Variants in ZNF385D observed in about 807,000 individuals in gnomAD.
ZNF385D encodes the protein zinc finger protein 659.
In ZNF385D, 15 loss-of-function variants were observed where a neutral mutation model predicts 35.8. That is an observed-to-expected ratio of 0.42 (90% confidence interval 0.28 to 0.64). The LOEUF (loss-of-function observed/expected upper bound fraction) is 0.64, where lower values mean the gene tolerates loss of function less well. Ranked by LOEUF, ZNF385D falls within the 30% of genes least tolerant of loss-of-function variation. ZNF385D has a pLI of 0.23. For missense variants in ZNF385D, 474 were observed against 494.6 expected, an observed-to-expected ratio of 0.96 and a Z score of 0.39; for synonymous variants, 212 against 186.8, an observed-to-expected ratio of 1.13 and a Z score of -1.10.
At chr3:21,422,870 C>A (rs1007419696) in intron 7 of ZNF385D, among the ~76,000 whole-genome samples, 1 of 152,116 alleles carries the variant, frequency 6.6e-6, no homozygotes, top group East Asian at 1.9e-4. Context: ...GACAAACCCA[C>A]AACCAACATC....
chr3:21,830,302 CT>C (rs753899828), intron 3 of ZNF385D, among the ~76,000 whole-genome samples: 4 of 152,112 alleles, frequency 2.6e-5, no homozygotes, highest in Non-Finnish European at 5.9e-5. Flanking sequence ...TAAGCAGTTT[CT>C]TTGACTGATA....
chr3:21,522,820 A>T (rs994269938), intron 3 of ZNF385D, among the ~76,000 whole-genome samples: 17 of 151,752 alleles, frequency 1.1e-4, no homozygotes, highest in South Asian at 2.1e-4. Context: ...AAGAAAAAAA[A>T]TTTTTTGTTT....
intron 3 of ZNF385D, among the ~76,000 whole-genome samples, chr3:22,159,637 T>C (rs1043157779): frequency 2.6e-5 from 4 of 152,080 alleles, no homozygotes; most frequent in Non-Finnish European, 2.9e-5. Context: ...GTTTTCTTTT[T>C]AGGGTGAAAA....
chr3:22,257,571 C>T (rs1048763006), intron 2 of ZNF385D, among the ~76,000 whole-genome samples: 2 of 151,720 alleles, frequency 1.3e-5, no homozygotes, highest in African/African-American at 4.8e-5. Flanking sequence ...CTATTTCAAT[C>T]TATATATTTT....
Position 21,468,819 on chromosome 3 carries a change from C to G in ZNF385D, c.440-31616G>C, listed in dbSNP as rs538748064. 1.2e-3 allele frequency among the ~76,000 whole-genome samples: 176 copies of G among 152,122 alleles called. 1 individual carries two copies. The highest frequency in any genetic ancestry group is 2.9e-3 in the African/African-American group (122 of 41,516). On this transcript the variant is annotated intron_variant, in intron 4 of 7. Transcript: ENST00000281523. ...CGCCCATAGTCTGTAGTCCCAGCTA[C>G]TCGGGAGACTGAGGCAGGGTAATCG... is the stretch of plus-strand genomic sequence containing the variant.
chr3:21,479,964 A>G (rs1479701353), intron 4 of ZNF385D, among the ~76,000 whole-genome samples: 1 of 152,196 alleles, frequency 6.6e-6, no homozygotes, highest in Non-Finnish European at 1.5e-5. Flanking sequence ...ATCTACAGCC[A>G]TCAGAGATTA....
chr3:22,001,752 AT>A (rs1473066680), intron 3 of ZNF385D, among the ~76,000 whole-genome samples: 1 of 151,750 alleles, frequency 6.6e-6, no homozygotes, highest in Non-Finnish European at 1.5e-5. Flanking sequence ...TTAAAAAAAA[AT>A]CTAAATCCTA....
At chr3:22,232,139 C>G (rs951805057) in intron 2 of ZNF385D, among the ~76,000 whole-genome samples, 3 of 152,036 alleles carry the variant, frequency 2.0e-5, no homozygotes, top group African/African-American at 7.2e-5. Flanking sequence ...TCTGGCATGC[C>G]AAATCCCTCA....
chr3:22,071,966 C>CCTT (rs1559347057), intron 3 of ZNF385D, among the ~76,000 whole-genome samples: 5 of 151,974 alleles, frequency 3.3e-5, no homozygotes, highest in Non-Finnish European at 7.4e-5. Flanking sequence ...ACCAAGAAAC[C>CCTT]TGAAGTAAAC....
chr3:21,429,253 AAATATT>A (rs1701181230), intron 5 of ZNF385D, among the ~76,000 whole-genome samples: 3 of 152,162 alleles, frequency 2.0e-5, no homozygotes, highest in Admixed American at 2.0e-4. Flanking sequence ...AGGTATATAA[AAATATT>A]AATAATAGTT....
In ZNF385D at chr3:22,287,428, A is replaced by G. The variant is rs943241890; in HGVS notation, c.106+85022T>C. Among the ~76,000 whole-genome samples the G allele has an allele frequency of 2.0e-5, 3 of 151,994 alleles. 1 individual carries two copies. In the South Asian group the frequency reaches 6.2e-4, roughly 32 times the overall value. ...TTGTTAATTTTTCTACTTGTTTGAC[A>G]TATCTTTGGTTCCTTTCTTCCTCTC... On this transcript the variant is annotated intron_variant, in intron 2 of 5. Transcript: ENST00000494108.
At chr3:22,034,341 C>T (rs904760516) in intron 3 of ZNF385D, among the ~76,000 whole-genome samples, 7 of 152,162 alleles carry the variant, frequency 4.6e-5, no homozygotes, top group Non-Finnish European at 8.8e-5. Flanking sequence ...AAATGGCCCT[C>T]ATGAGAACCT....
intron 3 of ZNF385D, among the ~76,000 whole-genome samples, chr3:21,789,390 T>C (rs1445195279): frequency 3.9e-5 from 6 of 152,164 alleles, no homozygotes; most frequent in Non-Finnish European, 8.8e-5. Flanking sequence ...TGATCAGTAC[T>C]TGGGAGTGGG....
chr3:22,313,409 TA>T (rs957272388), intron 2 of ZNF385D, among the ~76,000 whole-genome samples: 1 of 151,950 alleles, frequency 6.6e-6, no homozygotes, highest in South Asian at 2.1e-4. Flanking sequence ...TAATAAAATT[TA>T]AAAAAAGATG....
chr3:21,765,288 A>G (rs921126369), intron 3 of ZNF385D, among the ~76,000 whole-genome samples: 1 of 152,060 alleles, frequency 6.6e-6, no homozygotes, highest in African/African-American at 2.4e-5. Context: ...TGCTAGAAAT[A>G]AAAGTAAGGG....
intron 3 of ZNF385D, among the ~76,000 whole-genome samples, chr3:22,062,714 C>A (rs1284957891): frequency 6.6e-6 from 1 of 152,146 alleles, no homozygotes; most frequent in Non-Finnish European, 1.5e-5. Flanking sequence ...GTAGAATTAA[C>A]AATGTATGGT....
At chr3:22,214,598 C>G (rs1334085703) in intron 2 of ZNF385D, among the ~76,000 whole-genome samples, 1 of 151,936 alleles carries the variant, frequency 6.6e-6, no homozygotes, top group Non-Finnish European at 1.5e-5. Context: ...GAAGGTAGAC[C>G]TCTAAAATGG....
At chr3:21,735,228 G>T (rs1273270386) in intron 1 of ZNF385D, among the ~76,000 whole-genome samples, 1 of 152,080 alleles carries the variant, frequency 6.6e-6, no homozygotes. Context: ...TTTTAAATCT[G>T]TAAAATGAAA....
At chr3:22,000,471 G>A (rs1293515143) in intron 3 of ZNF385D, among the ~76,000 whole-genome samples, 14 of 152,208 alleles carry the variant, frequency 9.2e-5, no homozygotes, top group East Asian at 1.9e-4. Context: ...TGAATAATCC[G>A]CCCCTTGTTT....
Sources: allele counts gnomAD v4.1 joint callset (sites outside exome capture counted in the v4.1 genomes callset), GRCh38; gene constraint gnomAD v4.1.1; transcripts MANE v1.5; gene names NCBI Gene and HGNC (gene_info 2026-07-23, HGNC 2026-07-21).